DCHS2: variants seen among roughly 807,000 people sequenced by gnomAD.
DCHS2 encodes the protein protocadherin-23.
DCHS2 carries 142 observed loss-of-function variants against 182.4 expected under a neutral mutation model. The observed-to-expected ratio is 0.78, with a 90% CI of 0.68 to 0.89. The LOEUF is 0.89. Ranked by LOEUF, DCHS2 falls within the 40% of genes least tolerant of loss-of-function variation. DCHS2 has a pLI of 0.00. For missense variants in DCHS2, 4,319 were observed against 4,198.6 expected (o/e 1.03, Z -0.79); for synonymous variants, 1,740 against 1,663.3 (o/e 1.05, Z -1.12).
At chr4:154,417,200 T>TGGGAGAGA (rs1560745809) in intron 1 of DCHS2, among the ~76,000 whole-genome samples, 1 of 47,900 alleles carries the variant, frequency 2.1e-5, no homozygotes. Flanking sequence ...TGTGTGTGTG[T>TGGGAGAGA]GTGTGAGAGA....
At chr4:154,428,245 T>A (rs1733412518) in intron 1 of DCHS2, among the ~76,000 whole-genome samples, 1 of 152,024 alleles carries the variant, frequency 6.6e-6, no homozygotes. Context: ...CAATTCTAGG[T>A]GCGAAAAAAC....
intron 13 of DCHS2, among the ~76,000 whole-genome samples, chr4:154,291,915 A>G (rs1236798491): frequency 6.6e-6 from 1 of 152,144 alleles, no homozygotes; most frequent in Non-Finnish European, 1.5e-5. Flanking sequence ...TACCGTCAAC[A>G]ATAATTTATT....
At chr4:154,248,581 C>A (rs1265942449) in intron 16 of DCHS2, among the ~76,000 whole-genome samples, 1 of 152,082 alleles carries the variant, frequency 6.6e-6, no homozygotes, top group African/African-American at 2.4e-5. Context: ...AGATCAAAAT[C>A]TTTAATCTTT....
intron 13 of DCHS2, 31 bp downstream of exon 13, chr4:154,297,820 C>G (rs775736498): frequency 7.6e-6 from 12 of 1,580,846 alleles, no homozygotes; most frequent in Non-Finnish European, 1.0e-5. Flanking sequence ...AAAACAGGTA[C>G]AATATATGAA....
At chr4:154,287,421 A>G (rs1561013003) in intron 13 of DCHS2, among the ~76,000 whole-genome samples, 1 of 152,190 alleles carries the variant, frequency 6.6e-6, no homozygotes, top group African/African-American at 2.4e-5. Context: ...TAGTCAAGAC[A>G]GTACAATAAG....
chr4:154,452,745 T>A (rs1734589811), intron 1 of DCHS2, among the ~76,000 whole-genome samples: 1 of 152,100 alleles, frequency 6.6e-6, no homozygotes, highest in Non-Finnish European at 1.5e-5. Context: ...TTTCTGAAAC[T>A]AAGAAGGATC....
Position 154,332,777 on chromosome 4 carries a change from A to G in DCHS2, c.3431T>C (p.Leu1144Ser). The G allele has an allele frequency of 6.2e-7, 1 of 1,614,218 alleles. No homozygotes were observed. The highest frequency in any genetic ancestry group is 8.5e-7 in the Non-Finnish European group (1 of 1,180,044). ...GGATTCATAGTCAAACTGTCGCCGCAAATAAATCCAGCCCGTGTAAGGGCG... is the reference window on the plus strand; with the variant it reads ...GGATTCATAGTCAAACTGTCGCCGCGAATAAATCCAGCCCGTGTAAGGGCG... ...GIRPYTGWIYLRRQFDYESTQ... is the reference protein window; with the variant it reads ...GIRPYTGWIYSRRQFDYESTQ... Residue 1144 changes from leucine (L) to serine (S), a missense_variant, in exon 5 of 20, where the codon TTG becomes TCG. Physicochemically the swap from Leu to Ser is moderately radical, Grantham distance 145. Transcript: ENST00000357232.
intron 13 of DCHS2, among the ~76,000 whole-genome samples, chr4:154,282,771 G>C (rs975005374): frequency 1.3e-5 from 2 of 152,066 alleles, no homozygotes; most frequent in Non-Finnish European, 2.9e-5. Context: ...AGAGGTAAAA[G>C]CAACCTAAAT....
chr4:154,242,636 A>G lies in DCHS2; in HGVS notation c.7072+6T>C. The G allele has an allele frequency of 6.2e-7, 1 of 1,606,816 alleles. No homozygotes were observed. The highest frequency in any genetic ancestry group is 8.5e-7 in the Non-Finnish European group (1 of 1,177,434). On this transcript the variant is annotated splice_donor_region_variant and intron_variant, in intron 17 of 19. Coordinates refer to ENST00000357232, the MANE Select transcript of DCHS2 (RefSeq NM_001358235.2). ...CAAAACCACTATGCCAAATTGTCAC[A>G]CTTACCTTCTGTAATTTCCACTGCT...
chr4:154,329,300 T>G (rs1736415334), intron 6 of DCHS2, among the ~76,000 whole-genome samples: 1 of 152,224 alleles, frequency 6.6e-6, no homozygotes, highest in South Asian at 2.1e-4. Context: ...AAACTTATTG[T>G]TATAAAGCAA....
chr4:154,310,872 A>G (rs1735647253), intron 10 of DCHS2, among the ~76,000 whole-genome samples: 2 of 152,194 alleles, frequency 1.3e-5, no homozygotes, highest in African/African-American at 4.8e-5. Flanking sequence ...GCATTAGACT[A>G]GGGATTGGCA....
intron 1 of DCHS2, among the ~76,000 whole-genome samples, chr4:154,448,883 C>T (rs1734413538): frequency 6.6e-6 from 1 of 152,186 alleles, no homozygotes; most frequent in African/African-American, 2.4e-5. Context: ...AATATAGGCT[C>T]ACACATTGCC....
intron 1 of DCHS2, among the ~76,000 whole-genome samples, chr4:154,454,029 T>G (rs1734652338): frequency 1.3e-5 from 2 of 150,920 alleles, no homozygotes; most frequent in Non-Finnish European, 3.0e-5. Context: ...TACATGCAAT[T>G]GATGAAAATG....
At chr4:154,325,061 C>T (rs371005674) in intron 7 of DCHS2, among the ~76,000 whole-genome samples, 25 of 152,052 alleles carry the variant, frequency 1.6e-4, no homozygotes, top group Non-Finnish European at 2.6e-4. Flanking sequence ...AAGAATATTT[C>T]GATGAACACC....
chr4:154,253,755 A>T (rs1358971480), intron 16 of DCHS2, among the ~76,000 whole-genome samples: 1 of 152,246 alleles, frequency 6.6e-6, no homozygotes, highest in Non-Finnish European at 1.5e-5. Flanking sequence ...TAAACATTTA[A>T]ATTTTTAGCA....
chr4:154,490,369 G>T lies in DCHS2; in HGVS notation c.987C>A (p.Gly329=). The T allele has an allele frequency of 6.5e-7, 1 of 1,536,630 alleles. No homozygotes were observed. ...RATDRDLGPN[G]FVRYSVRARQ... ...GGGCGCGGACGCTGTAGCGCACGAA[G>T]CCATTGGGCCCCAGGTCGCGGTCGG... Residue 329 remains glycine, a synonymous_variant, in exon 1 of 20, where the codon GGC becomes GGA. Transcript: ENST00000357232.
intron 13 of DCHS2, among the ~76,000 whole-genome samples, chr4:154,294,487 A>G (rs1734833383): frequency 6.6e-6 from 1 of 152,182 alleles, no homozygotes; most frequent in Non-Finnish European, 1.5e-5. Context: ...TATTTTGTTT[A>G]TCAAAGGCAG....
At chr4:154,484,213 G>A (rs114045590) in intron 1 of DCHS2, among the ~76,000 whole-genome samples, 469 of 152,116 alleles carry the variant, frequency 3.1e-3, no homozygotes, top group African/African-American at 0.01. Context: ...TTCCTCTTAC[G>A]CTTCACTACC....
At chr4:154,304,505 T>C (rs540693585) in intron 12 of DCHS2, among the ~76,000 whole-genome samples, 164 bp downstream of exon 12, 1 of 152,088 alleles carries the variant, frequency 6.6e-6, no homozygotes, top group African/African-American at 2.4e-5. Context: ...TAAATTTTAA[T>C]TTAAAAATAC....
Sources: allele counts gnomAD v4.1 joint callset (sites outside exome capture counted in the v4.1 genomes callset), GRCh38; gene constraint gnomAD v4.1.1; transcripts MANE v1.5; gene names NCBI Gene and HGNC (gene_info 2026-07-23, HGNC 2026-07-21).